EDN2: variants seen among roughly 807,000 people sequenced by gnomAD.
The protein encoded by EDN2 is endothelin-2.
A neutral mutation model predicts 19.9 loss-of-function variants in EDN2; 10 were observed. The observed-to-expected ratio is 0.50, with a 90% CI of 0.31 to 0.85. EDN2 has a LOEUF of 0.85. EDN2 is among the 40% of genes least tolerant of loss of function. The probability of loss-of-function intolerance (pLI) is 0.05; values close to 1 mark genes in which losing one functional copy is unlikely to be tolerated. For missense variants in EDN2, 222 were observed against 239.3 expected, an observed-to-expected ratio of 0.93 and a Z score of 0.48; for synonymous variants, 84 against 94.9, an observed-to-expected ratio of 0.89 and a Z score of 0.67.
At position 41,484,612 on chromosome 1, in the gene EDN2, G is replaced by C. The variant is rs1481800668; in HGVS notation, c.-11C>G. On this transcript the variant is annotated 5_prime_UTR_variant, in exon 1 of 5. Transcript: ENST00000372587. Reference sequence around the variant, plus strand: ...AGGCACGGAGACCATAGCGGCGGTGGAGCGCGCAGGCTGGACTGGAGCAGG... The same window carrying C: ...AGGCACGGAGACCATAGCGGCGGTGCAGCGCGCAGGCTGGACTGGAGCAGG... The C allele has an allele frequency of 6.4e-7, 1 of 1,554,514 alleles. No individual in the cohort carries two copies. Among genetic ancestry groups the C allele is most frequent in the Non-Finnish European group, 8.7e-7 (1 of 1,148,676 alleles).
chr1:41,480,975 C>T, intron 4 of EDN2, 120 bp downstream of exon 4: 1 of 837,568 alleles, frequency 1.2e-6, no homozygotes, highest in South Asian at 1.6e-5. Context: ...CTTTCCCTCT[C>T]TGAGCCTCAG....
At chr1:41,482,306 G>A (rs1644254571) in intron 3 of EDN2, among the ~76,000 whole-genome samples, 160 bp downstream of exon 3, 1 of 152,234 alleles carries the variant, frequency 6.6e-6, no homozygotes, top group Non-Finnish European at 1.5e-5. Context: ...CTGCAAGAAG[G>A]GATGGTGCCA....
chr1:41,483,111 G>C (rs1216829108), intron 2 of EDN2: 1 of 142,810 alleles, frequency 7.0e-6, no homozygotes, highest in Non-Finnish European at 1.5e-5. Flanking sequence ...TTAGAGGCTT[G>C]ACTTGAAAGT....
intron 3 of EDN2, among the ~76,000 whole-genome samples, chr1:41,481,676 A>G (rs1251163209): frequency 1.3e-5 from 2 of 151,918 alleles, no homozygotes; most frequent in East Asian, 3.9e-4. Context: ...AGTAGTTGAG[A>G]TTACAGGCGC....
intron 2 of EDN2, 161 bp downstream of exon 2, chr1:41,483,886 A>G (rs2149038844): frequency 1.3e-6 from 1 of 748,922 alleles, no homozygotes; most frequent in Middle Eastern, 4.0e-4. Flanking sequence ...GGTGGTCCCC[A>G]CTCAGGAATT....
rs1164772881 is a variant in EDN2, at chr1:41,482,452, G to A, written c.344+14C>T. On this transcript the variant is annotated intron_variant, in intron 3 of 4. Coordinates refer to ENST00000372587, the MANE Select transcript of EDN2 (RefSeq NM_001956.5). Reference sequence around the variant, plus strand: ...CAGCTACCCTATGCCCCTGCAGGCTGGGTGCCCACCTACCAGGGCCTTCGA... The same window carrying A: ...CAGCTACCCTATGCCCCTGCAGGCTAGGTGCCCACCTACCAGGGCCTTCGA... 1.9e-6 allele frequency: 3 copies of A among 1,596,016 alleles called. No homozygotes were observed. The highest frequency in any genetic ancestry group is 1.4e-5 in the African/African-American group (1 of 73,532).
In EDN2 at chr1:41,484,066, T is replaced by G. The variant is rs201643440; in HGVS notation, c.202A>C (p.Ile68Leu). The G allele has an allele frequency of 8.7e-6, 14 of 1,609,954 alleles. No individual in the cohort carries two copies. In the African/African-American group the frequency reaches 1.6e-4, roughly 18 times the overall value. ...GCTCACTCAGGAGTGTTCACCCAGATGATGTCCAAGTGGCAGAAGTAGACG... is the reference window on the plus strand; with the variant it reads ...GCTCACTCAGGAGTGTTCACCCAGAGGATGTCCAAGTGGCAGAAGTAGACG... ...ECVYFCHLDIIWVNTPEQTAP... is the reference protein window; with the variant it reads ...ECVYFCHLDILWVNTPEQTAP... Residue 68 changes from isoleucine to leucine, a missense_variant, in exon 2 of 5, where the codon ATC (isoleucine) becomes CTC (leucine). Coordinates refer to ENST00000372587, the MANE Select transcript of EDN2 (RefSeq NM_001956.5).
At position 41,481,196 on chromosome 1, in the gene EDN2, A is replaced by G. The variant is rs1429459872; in HGVS notation, c.345-3T>C. ...TTGGGACTGCCCCGGCTTCAGTCCTACGTGAATAGCATTAGGGCCCAAGTG... is the reference window on the plus strand; with the variant it reads ...TTGGGACTGCCCCGGCTTCAGTCCTGCGTGAATAGCATTAGGGCCCAAGTG... On this transcript the variant is annotated splice_polypyrimidine_tract_variant and splice_region_variant and intron_variant, in intron 3 of 4. Transcript: ENST00000372587. The G allele has an allele frequency of 3.1e-6, 5 of 1,613,338 alleles. No homozygotes were observed. The highest frequency in any genetic ancestry group is 1.1e-5 in the South Asian group (1 of 91,056).
chr1:41,482,557 G>A lies in EDN2; in HGVS notation c.253C>T (p.Pro85Ser), dbSNP rs746112557. The change falls in exon 3 of 5, where the codon CCA becomes TCA. Residue 85 changes from proline (P) to serine (S), a missense_variant. Coordinates refer to ENST00000372587, the MANE Select transcript of EDN2 (RefSeq NM_001956.5). Reference sequence around the variant, plus strand: ...GGCAGGGAGCGGCGCCGGCGTCTTGGCGGGTTTCCCAGGCCGTAAGGAGCT... The same window carrying A: ...GGCAGGGAGCGGCGCCGGCGTCTTGACGGGTTTCCCAGGCCGTAAGGAGCT... ...QTAPYGLGNP[P>S]RRRRRSLPRR... is the part of the protein sequence containing the mutation. 5.7e-6 allele frequency: 9 copies of A among 1,589,310 alleles called. No homozygotes were observed. Among genetic ancestry groups the A allele is most frequent in the East Asian group, 4.8e-5 (2 of 41,880 alleles).
At chr1:41,480,286 A>T (rs1037496531) in intron 4 of EDN2, among the ~76,000 whole-genome samples, 9 of 152,140 alleles carry the variant, frequency 5.9e-5, no homozygotes, top group Non-Finnish European at 1.3e-4. Flanking sequence ...CCAAAAGGTG[A>T]GAATCTCTGA....
Position 41,482,536 on chromosome 1 carries a change from G to C in EDN2, c.274C>G (p.Leu92Val), listed in dbSNP as rs1386201260. 6 of 1,591,282 alleles carry C rather than the reference G, an allele frequency of 3.8e-6. No homozygotes were observed. The Admixed American group carries it at 1.1e-4, about 28-fold the overall frequency. The change falls in exon 3 of 5, where the codon CTG becomes GTG. Residue 92 changes from leucine (L) to valine (V), a missense_variant. Leu to Val is a conservative substitution (Grantham distance 32). Coordinates refer to ENST00000372587, the MANE Select transcript of EDN2 (RefSeq NM_001956.5). ...CTGGAGCACTGACAGCGCCTTGGCA[G>C]GGAGCGGCGCCGGCGTCTTGGCGGG... ...GNPPRRRRRS[L>V]PRRCQCSSAR...
chr1:41,482,573 G>T lies in EDN2; in HGVS notation c.237C>A (p.Tyr79Ter). The change falls in exon 3 of 5, where the codon TAC becomes TAA. Residue 79 changes from tyrosine to a stop codon, truncating the protein, a stop_gained. Coordinates refer to ENST00000372587, the MANE Select transcript of EDN2 (RefSeq NM_001956.5). LOFTEE classifies it high-confidence loss of function. The part of the protein sequence containing the change: ...WVNTPEQTAP[Y>*]GLGNPPRRRR... ...GGCGTCTTGGCGGGTTTCCCAGGCC[G>T]TAAGGAGCTGTCTGTCTGTGGGCGG... 6.3e-7 allele frequency: 1 copy of T among 1,583,360 alleles called. No individual in the cohort carries two copies. Among genetic ancestry groups the T allele is most frequent in the Non-Finnish European group, 8.6e-7 (1 of 1,166,948 alleles).
chr1:41,482,567 C>T lies in EDN2; in HGVS notation c.243G>A (p.Leu81=). ...GGCGCCGGCGTCTTGGCGGGTTTCC[C>T]AGGCCGTAAGGAGCTGTCTGTCTGT... ...NTPEQTAPYG[L]GNPPRRRRRS... Residue 81 remains leucine, a synonymous_variant, in exon 3 of 5, where the codon CTG becomes CTA. Coordinates refer to ENST00000372587, the MANE Select transcript of EDN2 (RefSeq NM_001956.5). 1 of 1,589,170 alleles carries T rather than the reference C, an allele frequency of 6.3e-7. No homozygotes were observed. Among genetic ancestry groups the T allele is most frequent in the African/African-American group, 1.4e-5 (1 of 72,962 alleles).
intron 2 of EDN2, among the ~76,000 whole-genome samples, chr1:41,483,239 C>T (rs1323140488): frequency 6.6e-6 from 1 of 152,188 alleles, no homozygotes; most frequent in Admixed American, 6.5e-5. Context: ...TTTCGAGTGA[C>T]AGAGCTAATT....
intron 2 of EDN2, 131 bp downstream of exon 2, chr1:41,483,916 A>G (rs1644269105): frequency 2.1e-6 from 2 of 936,364 alleles, no homozygotes; most frequent in Middle Eastern, 3.2e-4. Context: ...AACTATTGAT[A>G]TTAGCCAGTG....
rs149018257 is a variant in EDN2 at position 41,484,565 on chromosome 1, G to A, written c.37C>T (p.Leu13=). The A allele has an allele frequency of 8.0e-4, 1,244 of 1,558,708 alleles. 12 individuals carry two copies. The highest frequency in any genetic ancestry group is 7.7e-3 in the Middle Eastern group (46 of 5,992). ...TCATGCAGGGCCACGAGCAGGGCTA[G>A]CGCAACGGAGCACCAGGTGGTAGGC... ...SVPTTWCSVA[L]ALLVALHEGK... Residue 13 remains leucine, a synonymous_variant, in exon 1 of 5, where the codon CTA becomes TTA. Coordinates refer to ENST00000372587, the MANE Select transcript of EDN2 (RefSeq NM_001956.5).
In EDN2 at chr1:41,482,572, CG is replaced by C; in HGVS notation, c.237del (p.Tyr79Ter). On this transcript the variant is annotated frameshift_variant, in exon 3 of 5. Transcript: ENST00000372587. LOFTEE classifies it high-confidence loss of function. ...WVNTPEQTAP[Y>X]GLGNPPRRRR... is the part of the protein sequence containing the mutation. The stretch of plus-strand genomic sequence containing the variant: ...CGGCGTCTTGGCGGGTTTCCCAGGC[CG>C]TAAGGAGCTGTCTGTCTGTGGGCGG... The C allele has an allele frequency of 6.3e-7, 1 of 1,584,636 alleles. No individual in the cohort carries two copies. Among genetic ancestry groups the C allele is most frequent in the Non-Finnish European group, 8.6e-7 (1 of 1,167,386 alleles).
intron 3 of EDN2, 27 bp downstream of exon 3, chr1:41,482,439 G>A: frequency 1.3e-6 from 2 of 1,586,856 alleles, no homozygotes; most frequent in Non-Finnish European, 1.7e-6. Flanking sequence ...GCTACCCTAT[G>A]CCCCTGCAGG....
chr1:41,483,862 C>T lies in EDN2; in HGVS notation c.221+185G>A, dbSNP rs41269467. The T allele has an allele frequency of 1.3e-3, 842 of 624,638 alleles. 1 individual carries two copies. The highest frequency in any genetic ancestry group is 1.9e-3 in the Admixed American group (59 of 31,370). The allele number at this position is 624,638 out of a possible 1,614,324, so 38.7% of individuals were successfully genotyped here. ...TCTTAAGAATTCTCAGAAGACAGCC[C>T]TCTCTATGGCTCAGGTGGTCCCCAC... On this transcript the variant is annotated intron_variant, in intron 2 of 4. Transcript: ENST00000372587.
Sources: allele counts gnomAD v4.1 joint callset (sites outside exome capture counted in the v4.1 genomes callset), GRCh38; gene constraint gnomAD v4.1.1; transcripts MANE v1.5; gene names NCBI Gene and HGNC (gene_info 2026-07-23, HGNC 2026-07-21).